The following GPC4 variants were observed in gnomAD, a reference collection of about 807,000 sequenced individuals.
The protein encoded by GPC4 is glypican-4.
A neutral mutation model predicts 35.0 loss-of-function variants in GPC4; 10 were observed. The ratio of observed to expected loss-of-function variants is 0.29; its 90% CI spans 0.18 to 0.48. The LOEUF is 0.48. Among genes scored for constraint, GPC4 ranks in the 20% least tolerant of loss-of-function variants. GPC4 has a pLI of 0.99. For missense variants in GPC4, 322 were observed against 451.3 expected (o/e 0.71, Z 2.60); for synonymous variants, 167 against 170.2 (o/e 0.98, Z 0.15).
At chrX:133,385,103 C>T (rs1283550950) in intron 1 of GPC4, among the ~76,000 whole-genome samples, 3 of 112,424 alleles carry the variant, frequency 2.7e-5, no homozygotes, top group Non-Finnish European at 5.6e-5. Flanking sequence ...CTGCACCTTT[C>T]CAGCTGTGAG....
chrX:133,413,883 G>A (rs918736552), intron 1 of GPC4, among the ~76,000 whole-genome samples: 3 of 110,940 alleles, frequency 2.7e-5, no homozygotes, highest in Non-Finnish European at 5.7e-5. Flanking sequence ...CTCCGAGAGG[G>A]GCTTTCACAA....
At chrX:133,316,842 T>C (rs1176071371) in intron 3 of GPC4, among the ~76,000 whole-genome samples, 2 of 112,184 alleles carry the variant, frequency 1.8e-5, no homozygotes, top group African/African-American at 6.5e-5. Context: ...AAAAGTTCAC[T>C]TGAACAAAAC....
chrX:133,318,208 GAAAAAGAATATTGAGAGTTGA>G (rs756034604), intron 3 of GPC4, among the ~76,000 whole-genome samples: 7 of 112,052 alleles, frequency 6.2e-5, no homozygotes, highest in Non-Finnish European at 1.9e-5. Flanking sequence ...TATTGTGAGT[GAAAAAGAATATTGAGAGTTGA>G]ATATGTGTCT....
chrX:133,404,546 C>CAAAAAAAAAAAAAAAAAAA (rs766777711), intron 1 of GPC4, among the ~76,000 whole-genome samples: 4 of 37,371 alleles, frequency 1.1e-4, no homozygotes, highest in Non-Finnish European at 4.1e-5. Flanking sequence ...GACTCTGCCT[C>CAAAAAAAAAAAAAAAAAAA]AAAAAAAAAA....
At chrX:133,339,141 A>G (rs1192902209) in intron 2 of GPC4, 42 bp downstream of exon 2, 6 of 1,189,111 alleles carry the variant, frequency 5.0e-6, no homozygotes, top group Non-Finnish European at 5.7e-6. Flanking sequence ...GCTACAGTAC[A>G]GACCTAACTG....
rs1439312160 is a variant in GPC4, at chrX:133,415,155, G to A, written c.-190C>T. ...AAAAGTAGAGCTGGGCCTCGCGTCA[G>A]GCAACGGTCCCCGGTGCCAGGCGCC... On this transcript the variant is annotated 5_prime_UTR_variant, in exon 1 of 9. Transcript: ENST00000370828. 4.6e-6 allele frequency: 2 copies of A among 437,077 alleles called. No homozygotes were observed. Among genetic ancestry groups the A allele is most frequent in the African/African-American group, 2.5e-5 (1 of 39,866 alleles). 36.0% of individuals were successfully genotyped at this position (437,077 alleles called of 1,213,427 possible).
chrX:133,339,441 C>A (rs2068457371), intron 1 of GPC4, 100 bp from the exon 2 acceptor site: 2 of 721,533 alleles, frequency 2.8e-6, no homozygotes, highest in Admixed American at 3.2e-5. Context: ...GAGGCTCCTG[C>A]AAAGGCCCAG....
chrX:133,346,785 ACTG>A (rs1259979449), intron 1 of GPC4, among the ~76,000 whole-genome samples: 1 of 111,766 alleles, frequency 8.9e-6, no homozygotes, highest in Non-Finnish European at 1.9e-5. Context: ...TCTCAAAAAC[ACTG>A]CTAAGTGAAA....
chrX:133,371,300 G>A (rs2068611512), intron 1 of GPC4, among the ~76,000 whole-genome samples: 1 of 112,509 alleles, frequency 8.9e-6, no homozygotes, highest in Non-Finnish European at 1.9e-5. Context: ...GCCATGACCA[G>A]TGGAACAAAC....
chrX:133,383,408 C>T (rs1235772938), intron 1 of GPC4, among the ~76,000 whole-genome samples: 1 of 110,755 alleles, frequency 9.0e-6, no homozygotes, highest in Admixed American at 9.7e-5. Context: ...TGAGTGGTTG[C>T]CAGGAGTTGA....
At chrX:133,360,322 T>C (rs1020116737) in intron 1 of GPC4, among the ~76,000 whole-genome samples, 1 of 111,658 alleles carries the variant, frequency 9.0e-6, no homozygotes, top group East Asian at 2.8e-4. Context: ...TGAAGACAAA[T>C]GAAAATAGAT....
rs910254773 is a variant in GPC4 at position 133,331,203 on chromosome X, C to A, written c.320-6667G>T. ...TGGCTAATGTGGCCAGGGACACAGGCTCAGTATTGTAAGGTCCCTTTTGCT... is the reference window on the plus strand; with the variant it reads ...TGGCTAATGTGGCCAGGGACACAGGATCAGTATTGTAAGGTCCCTTTTGCT... On this transcript the variant is annotated intron_variant, in intron 2 of 8. Coordinates refer to ENST00000370828, the MANE Select transcript of GPC4 (RefSeq NM_001448.3). Among the ~76,000 whole-genome samples, 4 of 111,804 alleles carry A rather than the reference C, an allele frequency of 3.6e-5. No homozygotes were observed. The Admixed American group carries it at 3.8e-4, about 11-fold the overall frequency.
At chrX:133,404,866 A>AAAAAAAAAT (rs753375530) in intron 1 of GPC4, among the ~76,000 whole-genome samples, 1 of 89,274 alleles carries the variant, frequency 1.1e-5, no homozygotes. Context: ...AAAAAAAAAA[A>AAAAAAAAAT]AAGGTGCAGA....
At chrX:133,360,664 C>T (rs2068563503) in intron 1 of GPC4, among the ~76,000 whole-genome samples, 1 of 112,223 alleles carries the variant, frequency 8.9e-6, no homozygotes, top group African/African-American at 3.2e-5. Context: ...ATTTAACCAA[C>T]TCTACTGTCT....
intron 1 of GPC4, among the ~76,000 whole-genome samples, chrX:133,354,568 A>ATTTTTT (rs77166014): frequency 1.1e-4 from 10 of 95,199 alleles, no homozygotes; most frequent in African/African-American, 4.2e-4. Context: ...TTATTTATTT[A>ATTTTTT]TTTTTTTTTT....
chrX:133,349,795 A>AT (rs1375498145), intron 1 of GPC4, among the ~76,000 whole-genome samples: 1 of 110,699 alleles, frequency 9.0e-6, no homozygotes, highest in Non-Finnish European at 1.9e-5. Context: ...TAATTTTTGT[A>AT]TTTTTTGTAG....
rs1190513530 is a variant in GPC4 at position 133,303,626 on chromosome X, T to C, written c.1293-285A>G. Among the ~76,000 whole-genome samples the C allele has an allele frequency of 2.8e-4, 31 of 110,596 alleles. 1 individual carries two copies. Among genetic ancestry groups the C allele is most frequent in the African/African-American group, 1.0e-3 (31 of 30,394 alleles). ...CAGCACTTTTGGAGGCTAAGGTGGGTGGATCACTTGAGGTCAGGCATTCGA... is the reference window on the plus strand; with the variant it reads ...CAGCACTTTTGGAGGCTAAGGTGGGCGGATCACTTGAGGTCAGGCATTCGA... On this transcript the variant is annotated intron_variant, in intron 7 of 8. Coordinates refer to ENST00000370828, the MANE Select transcript of GPC4 (RefSeq NM_001448.3).
chrX:133,348,494 G>A (rs1454341894), intron 1 of GPC4, among the ~76,000 whole-genome samples: 2 of 112,646 alleles, frequency 1.8e-5, no homozygotes, highest in Non-Finnish European at 3.7e-5. Context: ...TGTGCTGGGG[G>A]ACCTTGCGGG....
intron 3 of GPC4, among the ~76,000 whole-genome samples, chrX:133,315,647 C>A (rs1365503266): frequency 9.0e-6 from 1 of 111,490 alleles, no homozygotes; most frequent in Non-Finnish European, 1.9e-5. Context: ...AGCAGTAGAT[C>A]ATGCCACACA....
Sources: allele counts gnomAD v4.1 joint callset (sites outside exome capture counted in the v4.1 genomes callset), GRCh38; gene constraint gnomAD v4.1.1; transcripts MANE v1.5; gene names NCBI Gene and HGNC (gene_info 2026-07-23, HGNC 2026-07-21).